DYM: variants seen among roughly 807,000 people sequenced by gnomAD.
DYM encodes dymeclin, also known as dyggve-Melchior-Clausen syndrome protein.
In DYM, 78 loss-of-function variants were observed where a neutral mutation model predicts 93.1. The ratio of observed to expected loss-of-function variants is 0.84; its 90% CI spans 0.70 to 1.01. The LOEUF (loss-of-function observed/expected upper bound fraction) is 1.01. Ranked by LOEUF, DYM falls within the 50% of genes least tolerant of loss-of-function variation. DYM has a pLI of 0.00. For missense variants in DYM, 789 were observed against 845.0 expected (o/e 0.93, Z 0.82); for synonymous variants, 321 against 319.7 (o/e 1.00, Z -0.04).
chr18:49,062,794 C>T (rs2076087151), intron 17 of DYM, among the ~76,000 whole-genome samples: 1 of 152,206 alleles, frequency 6.6e-6, no homozygotes, highest in Non-Finnish European at 1.5e-5. Flanking sequence ...AAAAGTCGCT[C>T]CCCTTCAGAA....
intron 13 of DYM, among the ~76,000 whole-genome samples, chr18:49,221,372 G>C (rs980520333): frequency 2.6e-5 from 4 of 152,042 alleles, no homozygotes; most frequent in Admixed American, 6.5e-5. Context: ...TCTAGAACTA[G>C]AAATACCATT....
At chr18:49,145,541 T>G (rs2085029382) in intron 15 of DYM, among the ~76,000 whole-genome samples, 1 of 151,674 alleles carries the variant, frequency 6.6e-6, no homozygotes, top group Non-Finnish European at 1.5e-5. Flanking sequence ...CTTCACTTTC[T>G]TTATAGGTAA....
intron 8 of DYM, among the ~76,000 whole-genome samples, chr18:49,308,305 TA>T (rs2061389861): frequency 1.3e-5 from 2 of 151,988 alleles, no homozygotes; most frequent in African/African-American, 4.8e-5. Context: ...TATATATATA[TA>T]TATGTATATC....
At chr18:49,280,109 A>G (rs1409265291) in intron 10 of DYM, among the ~76,000 whole-genome samples, 1 of 152,222 alleles carries the variant, frequency 6.6e-6, no homozygotes, top group Non-Finnish European at 1.5e-5. Context: ...ATAGTTATCT[A>G]CATACTATGT....
rs1448259894 is a variant in DYM, at chr18:49,441,065, T to A, written c.-53-10618A>T. Among the ~76,000 whole-genome samples, 2 of 8,626 alleles carry A rather than the reference T, an allele frequency of 2.3e-4. 1 individual carries two copies. The highest frequency in any genetic ancestry group is 5.9e-3 in the Admixed American group (2 of 338). 5.7% of individuals were successfully genotyped at this position (8,626 alleles called of 152,430 possible). ...AAATATATAATATATTTATATATATTATATATAAATATTATATTATATATT... is the reference window on the plus strand; with the variant it reads ...AAATATATAATATATTTATATATATAATATATAAATATTATATTATATATT... On this transcript the variant is annotated intron_variant, in intron 1 of 17. Transcript: ENST00000675505.
chr18:49,208,182 CAAA>C (rs138264681), intron 14 of DYM, among the ~76,000 whole-genome samples: 6 of 58,296 alleles, frequency 1.0e-4, no homozygotes, highest in African/African-American at 1.8e-4. Flanking sequence ...GACTCCATCT[CAAA>C]AAAAAAAAAA....
intron 17 of DYM, among the ~76,000 whole-genome samples, chr18:49,053,794 A>T (rs2075238107): frequency 6.6e-6 from 1 of 152,246 alleles, no homozygotes; most frequent in African/African-American, 2.4e-5. Context: ...TTCATCAATG[A>T]TAAGTCCTTA....
intron 16 of DYM, among the ~76,000 whole-genome samples, chr18:49,097,878 T>G (rs73957595): frequency 7.5e-4 from 60 of 79,912 alleles, no homozygotes; most frequent in African/African-American, 2.2e-3. Context: ...ATATTAGCTC[T>G]CTCTCTCTCT....
intron 6 of DYM, among the ~76,000 whole-genome samples, chr18:49,336,474 A>G (rs973844574): frequency 2.0e-5 from 3 of 152,222 alleles, no homozygotes; most frequent in Non-Finnish European, 2.9e-5. Flanking sequence ...CTTCCAGCAC[A>G]TAAGAATACT....
intron 8 of DYM, among the ~76,000 whole-genome samples, chr18:49,290,729 C>T (rs192153409): frequency 9.1e-4 from 138 of 152,060 alleles, no homozygotes; most frequent in Non-Finnish European, 1.8e-3. Flanking sequence ...CATGTAAGTC[C>T]ATCTACAGGT....
rs143007500 is a variant in DYM, at chr18:49,351,315, G to C, written c.494+11846C>G. Among the ~76,000 whole-genome samples, 521 of 152,204 alleles carry C rather than the reference G, an allele frequency of 3.4e-3. 3 individuals carry two copies. Among genetic ancestry groups the C allele is most frequent in the African/African-American group, 0.012 (483 of 41,516 alleles). ...GAACCCGGGAGGTGGAGGTTGCAAT[G>C]AGTCAAGATTGTGCCACTGCACTCC... On this transcript the variant is annotated intron_variant, in intron 6 of 17. Transcript: ENST00000675505.
intron 1 of DYM, among the ~76,000 whole-genome samples, chr18:49,439,063 C>T (rs1219073410): frequency 6.6e-6 from 1 of 152,154 alleles, no homozygotes; most frequent in African/African-American, 2.4e-5. Context: ...TAACTGATCC[C>T]ATCTCCTGGC....
chr18:49,241,735 G>T (rs1388303950), intron 13 of DYM, among the ~76,000 whole-genome samples: 3 of 152,144 alleles, frequency 2.0e-5, no homozygotes, highest in Non-Finnish European at 4.4e-5. Context: ...AAAAAGGAGG[G>T]GAAATAAATG....
intron 17 of DYM, 76 bp from the exon 18 acceptor site, chr18:49,044,280 T>C: frequency 6.4e-7 from 1 of 1,561,804 alleles, no homozygotes; most frequent in Non-Finnish European, 8.8e-7. Context: ...TTGCAGGTGG[T>C]GCTGTGGTGT....
At chr18:49,420,895 C>A (rs1727546600) in intron 2 of DYM, among the ~76,000 whole-genome samples, 1 of 152,148 alleles carries the variant, frequency 6.6e-6, no homozygotes, top group South Asian at 2.1e-4. Flanking sequence ...GTCCCACACC[C>A]ACGGAGCCTT....
At position 49,038,525 on chromosome 18, in the gene DYM, T is replaced by G. The variant is rs2070786882; in HGVS notation, c.*5530A>C. 6.6e-6 allele frequency among the ~76,000 whole-genome samples: 1 copy of G among 152,258 alleles called. No individual in the cohort carries two copies. The highest frequency in any genetic ancestry group is 6.5e-5 in the Admixed American group (1 of 15,286). On this transcript the variant is annotated 3_prime_UTR_variant, in exon 18 of 18. Coordinates refer to ENST00000675505, the MANE Select transcript of DYM (RefSeq NM_001353214.3). The stretch of plus-strand genomic sequence containing the variant: ...CTGGGTATGTATTTCTCCATCTTTT[T>G]CTTCCAAAATTTCTAAATTCATGTT...
chr18:49,399,696 T>A (rs2070542858), intron 2 of DYM, among the ~76,000 whole-genome samples: 1 of 151,998 alleles, frequency 6.6e-6, no homozygotes, highest in Non-Finnish European at 1.5e-5. Context: ...GCCCAGTTGC[T>A]TGTCTATGGC....
chr18:49,431,209 G>A (rs2080291428), intron 1 of DYM, among the ~76,000 whole-genome samples: 1 of 152,198 alleles, frequency 6.6e-6, no homozygotes, highest in Admixed American at 6.5e-5. Flanking sequence ...CCAACTTCAA[G>A]TGAAAGAGAT....
chr18:49,250,033 C>G (rs2094252522), intron 13 of DYM, among the ~76,000 whole-genome samples: 3 of 152,174 alleles, frequency 2.0e-5, no homozygotes, highest in Non-Finnish European at 4.4e-5. Context: ...TTATGGACAC[C>G]AGATCATCAA....
Sources: gnomAD v4.1 joint callset for allele counts (sites outside exome capture counted in the v4.1 genomes callset) on GRCh38, gnomAD v4.1.1 for gene constraint, MANE v1.5 for transcripts, NCBI Gene and HGNC (gene_info 2026-07-23, HGNC 2026-07-21) for gene names.